NLGN1: variants seen among roughly 807,000 people sequenced by gnomAD.
The protein encoded by NLGN1 is neuroligin-1.
NLGN1 carries 12 observed loss-of-function variants against 65.5 expected under a neutral mutation model. That is an observed-to-expected ratio of 0.18 (90% CI 0.12 to 0.30). NLGN1 has a LOEUF of 0.30. Ranked by LOEUF, NLGN1 falls within the 10% of genes least tolerant of loss-of-function variation. NLGN1 has a pLI of 1.00. For missense variants in NLGN1, 750 were observed against 1,007.1 expected, an observed-to-expected ratio of 0.74 and a Z score of 3.46; for synonymous variants, 350 against 359.5, an observed-to-expected ratio of 0.97 and a Z score of 0.30.
At chr3:173,889,062 G>A (rs929859730) in intron 4 of NLGN1, among the ~76,000 whole-genome samples, 32 of 151,978 alleles carry the variant, frequency 2.1e-4, no homozygotes, top group African/African-American at 7.3e-4. Context: ...AAAATTGAAG[G>A]CTTCTAATTT....
chr3:174,235,472 GA>G (rs1417057740), intron 4 of NLGN1, among the ~76,000 whole-genome samples: 1 of 152,136 alleles, frequency 6.6e-6, no homozygotes, highest in Admixed American at 6.6e-5. Flanking sequence ...GAGATAATGT[GA>G]TTCTAGCTTA....
At chr3:173,602,759 G>A (rs1750746643) in intron 2 of NLGN1, among the ~76,000 whole-genome samples, 1 of 151,988 alleles carries the variant, frequency 6.6e-6, no homozygotes, top group Non-Finnish European at 1.5e-5. Flanking sequence ...AACACCAAAA[G>A]GAACTTGCAA....
chr3:173,874,148 G>GT (rs1731687803), intron 4 of NLGN1, among the ~76,000 whole-genome samples: 1 of 152,060 alleles, frequency 6.6e-6, no homozygotes, highest in African/African-American at 2.4e-5. Context: ...CCAGTTTGTG[G>GT]CATTTTGTTA....
chr3:173,949,730 A>C (rs1167258810), intron 4 of NLGN1, among the ~76,000 whole-genome samples: 1 of 152,222 alleles, frequency 6.6e-6, no homozygotes, highest in Non-Finnish European at 1.5e-5. Context: ...TAAAATGAAA[A>C]TTAAATAGAA....
At chr3:173,719,185 A>G (rs1409787086) in intron 3 of NLGN1, among the ~76,000 whole-genome samples, 3 of 152,200 alleles carry the variant, frequency 2.0e-5, no homozygotes, top group Non-Finnish European at 4.4e-5. Context: ...GGATGGATCA[A>G]TCAGTTAGTG....
intron 4 of NLGN1, among the ~76,000 whole-genome samples, chr3:174,121,153 G>C (rs377278535): frequency 3.8e-4 from 58 of 152,266 alleles, no homozygotes; most frequent in Middle Eastern, 3.4e-3. Flanking sequence ...GTAATACATT[G>C]AGAGTTCAGG....
intron 3 of NLGN1, among the ~76,000 whole-genome samples, chr3:173,797,085 G>A (rs1425007671): frequency 1.3e-5 from 2 of 152,150 alleles, no homozygotes; most frequent in Non-Finnish European, 2.9e-5. Context: ...AGCAGGGGAA[G>A]AGGGAATCTT....
intron 2 of NLGN1, among the ~76,000 whole-genome samples, chr3:173,552,353 A>G (rs887262388): frequency 6.6e-6 from 1 of 151,966 alleles, no homozygotes; most frequent in Non-Finnish European, 1.5e-5. Context: ...AATTTGAGAG[A>G]GTTTTTTTTT....
intron 4 of NLGN1, among the ~76,000 whole-genome samples, chr3:174,238,316 TTC>T (rs929196187): frequency 7.4e-6 from 1 of 134,850 alleles, no homozygotes; most frequent in Non-Finnish European, 1.7e-5. Flanking sequence ...TTTCTGTTTT[TTC>T]TTTTTTATTT....
intron 4 of NLGN1, among the ~76,000 whole-genome samples, chr3:174,080,433 C>T (rs559405752): frequency 3.3e-5 from 5 of 152,256 alleles, no homozygotes; most frequent in South Asian, 2.1e-4. Flanking sequence ...GCCTAGCAGG[C>T]GACTTAAGAG....
At chr3:173,973,239 A>G (rs1716678614) in intron 4 of NLGN1, among the ~76,000 whole-genome samples, 1 of 152,146 alleles carries the variant, frequency 6.6e-6, no homozygotes, top group African/African-American at 2.4e-5. Context: ...CTAAGTATAC[A>G]TATAAGAAAA....
chr3:173,493,497 G>A (rs1200191609), intron 2 of NLGN1, among the ~76,000 whole-genome samples: 1 of 151,852 alleles, frequency 6.6e-6, no homozygotes, highest in Non-Finnish European at 1.5e-5. Flanking sequence ...GGTGATGTAT[G>A]TTAGTTAATA....
chr3:173,425,198 T>C (rs1017907061), intron 1 of NLGN1, among the ~76,000 whole-genome samples: 2 of 152,158 alleles, frequency 1.3e-5, no homozygotes, highest in African/African-American at 4.8e-5. Flanking sequence ...ACTGTTCCCA[T>C]GATCTAATCG....
chr3:173,416,608 C>A (rs1166542149), intron 1 of NLGN1, among the ~76,000 whole-genome samples: 1 of 152,108 alleles, frequency 6.6e-6, no homozygotes, highest in Non-Finnish European at 1.5e-5. Flanking sequence ...AATCCTGAGG[C>A]TTTTTCTGGT....
intron 4 of NLGN1, among the ~76,000 whole-genome samples, chr3:173,850,017 T>C (rs1578778568): frequency 1.3e-5 from 2 of 152,126 alleles, no homozygotes; most frequent in Non-Finnish European, 1.5e-5. Context: ...CATGATTTCA[T>C]ATGAAAGTAA....
intron 2 of NLGN1, among the ~76,000 whole-genome samples, chr3:173,533,526 T>A (rs1448032856): frequency 6.6e-6 from 1 of 152,212 alleles, no homozygotes; most frequent in African/African-American, 2.4e-5. Context: ...GCCCGTAATC[T>A]TATTTATGGA....
chr3:174,018,519 A>G (rs566353665), intron 4 of NLGN1, among the ~76,000 whole-genome samples: 11 of 152,316 alleles, frequency 7.2e-5, no homozygotes, highest in African/African-American at 1.2e-4. Flanking sequence ...AATCGTCACA[A>G]TTTATGTTCT....
downstream of NLGN1, among the ~76,000 whole-genome samples, chr3:174,289,957 A>ATATATATGTATGTATATATATGTG (rs1553995107): frequency 7.2e-5 from 3 of 41,568 alleles, no homozygotes; most frequent in African/African-American, 3.1e-4. Flanking sequence ...ATATATGTGT[A>ATATATATGTATGTATATATATGTG]TATATATATA....
rs3979635 is a variant in NLGN1 at position 173,788,833 on chromosome 3, T to TA, written c.494-18818dup. ...CTGGGTTACACAGCAAGACCTCATT[T>TA]AAAAAAAAAAAAAAAAAAAAAAAAA... is the stretch of plus-strand genomic sequence containing the variant. On this transcript the variant is annotated intron_variant, in intron 3 of 6. Coordinates refer to ENST00000457714, the Ensembl canonical transcript of NLGN1. Among the ~76,000 whole-genome samples the TA allele has an allele frequency of 3.4e-3, 183 of 53,522 alleles. 6 individuals carry two copies. Among genetic ancestry groups the TA allele is most frequent in the East Asian group, 8.8e-3 (20 of 2,272 alleles). 35.1% of individuals were successfully genotyped at this position (53,522 alleles called of 152,430 possible). A position where few individuals can be genotyped will look rare whatever the true frequency, so the allele number is the denominator to read the frequency against.
Sources: allele counts gnomAD v4.1 joint callset (sites outside exome capture counted in the v4.1 genomes callset), GRCh38; gene constraint gnomAD v4.1.1; transcripts MANE v1.5; gene names NCBI Gene and HGNC (gene_info 2026-07-23, HGNC 2026-07-21).